NEIL1: variants seen among roughly 807,000 people sequenced by gnomAD.
NEIL1 encodes the protein endonuclease 8-like 1.
In NEIL1, 31 loss-of-function variants were observed where a neutral mutation model predicts 44.2. The ratio of observed to expected loss-of-function variants is 0.70; its 90% CI spans 0.53 to 0.95. NEIL1 has a LOEUF of 0.95. NEIL1 is among the 40% of genes least tolerant of loss of function. The probability of loss-of-function intolerance (pLI) is 0.00; values close to 1 mark genes in which losing one functional copy is unlikely to be tolerated. For synonymous variants in NEIL1, 254 were observed against 209.7 expected (o/e 1.21, Z -1.83); for missense variants, 549 against 515.5 (o/e 1.07, Z -0.63).
In NEIL1 at chr15:75,352,338, C is replaced by T. The variant is rs144060219; in HGVS notation, c.569C>T (p.Pro190Leu). Residue 190 changes from proline (P) to leucine (L), a missense_variant, in exon 4 of 10, where the codon CCC becomes CTC. Physicochemically the swap from Pro to Leu is moderately conservative, Grantham distance 98. Coordinates refer to ENST00000355059, the MANE Select transcript of NEIL1 (RefSeq NM_024608.4). ...AEILYRLKIP[P>L]FEKARSVLEA... ...CCCCACTACAGGCTGAAGATCCCCC[C>T]CTTTGAGAAGGCCCGCTCGGTCCTG... The T allele has an allele frequency of 5.0e-5, 81 of 1,614,070 alleles. No individual in the cohort carries two copies. The highest frequency in any genetic ancestry group is 1.6e-4 in the Middle Eastern group (1 of 6,082).
At position 75,348,875 on chromosome 15, in the gene NEIL1, C is replaced by T. The variant is rs1272622424; in HGVS notation, c.-22-9C>T. On this transcript the variant is annotated splice_polypyrimidine_tract_variant and intron_variant, in intron 1 of 9. Coordinates refer to ENST00000355059, the MANE Select transcript of NEIL1 (RefSeq NM_024608.4). ...ACCGGGCTCAACCCGCTGCCTTCCT[C>T]CCCAACAGGACTCTGCCACCCTCCC... 1 of 1,601,858 alleles carries T rather than the reference C, an allele frequency of 6.2e-7. No individual in the cohort carries two copies. Among genetic ancestry groups the T allele is most frequent in the South Asian group, 1.1e-5 (1 of 90,892 alleles).
Position 75,354,965 on chromosome 15 carries a change from C to G in NEIL1, c.1104C>G (p.Gly368=), listed in dbSNP as rs749794024. 7 of 1,614,072 alleles carry G rather than the reference C, an allele frequency of 4.3e-6. No homozygotes were observed. In the South Asian group the frequency reaches 7.7e-5, roughly 18 times the overall value. Residue 368 remains glycine, a splice_region_variant and synonymous_variant, in exon 10 of 10, where the codon GGC becomes GGG. Coordinates refer to ENST00000355059, the MANE Select transcript of NEIL1 (RefSeq NM_024608.4). ...GRRKGRQAAS[G]HCRPRKVKAD... The stretch of plus-strand genomic sequence containing the variant: ...CCATCTTGCCTGTTCTTCCCCCAGG[C>G]CACTGCAGACCCCGGAAGGTCAAGG...
chr15:75,353,224 T>TACAC (rs10653888), intron 5 of NEIL1: 27,437 of 162,796 alleles, frequency 0.17, 2,911 homozygotes, highest in Non-Finnish European at 0.24. Context: ...TATATATTTA[T>TACAC]ACACACACAC....
In NEIL1 at chr15:75,353,822, A is replaced by C; in HGVS notation, c.802A>C (p.Met268Leu). ...GCTGCGCTGCTATGGCATGCCAGGCATGAGCTCCCTGCAGGACCGGCATGG... is the reference window on the plus strand; with the variant it reads ...GCTGCGCTGCTATGGCATGCCAGGCCTGAGCTCCCTGCAGGACCGGCATGG... ...AWLRCYGMPGMSSLQDRHGRT... is the reference protein window; with the variant it reads ...AWLRCYGMPGLSSLQDRHGRT... The change falls in exon 6 of 10, where the codon ATG (methionine) becomes CTG (leucine). Residue 268 changes from methionine to leucine, a missense_variant. Physicochemically the swap from Met to Leu is conservative, Grantham distance 15. Transcript: ENST00000355059. 1 of 1,613,796 alleles carries C rather than the reference A, an allele frequency of 6.2e-7. No individual in the cohort carries two copies. The highest frequency in any genetic ancestry group is 1.1e-5 in the South Asian group (1 of 91,066).
Position 75,354,294 on chromosome 15 carries a change from G to A in NEIL1, c.874+17G>A. 6.2e-7 allele frequency: 1 copy of A among 1,614,060 alleles called. No individual in the cohort carries two copies. Among genetic ancestry groups the A allele is most frequent in the Non-Finnish European group, 8.5e-7 (1 of 1,179,916 alleles). ...CACCCAAAGGTAAGCTACTCCTAAT[G>A]TAATAGGCTAAGAGAGCAGAAAGGA... On this transcript the variant is annotated intron_variant, in intron 7 of 9. Transcript: ENST00000355059.
At position 75,355,204 on chromosome 15, in the gene NEIL1, T is replaced by G; in HGVS notation, c.*170T>G. 1 of 608,816 alleles carries G rather than the reference T, an allele frequency of 1.6e-6. No homozygotes were observed. Among genetic ancestry groups the G allele is most frequent in the Non-Finnish European group, 2.9e-6 (1 of 347,384 alleles). 37.7% of individuals were successfully genotyped at this position (608,816 alleles called of 1,614,324 possible). On this transcript the variant is annotated 3_prime_UTR_variant, in exon 10 of 10. Coordinates refer to ENST00000355059, the MANE Select transcript of NEIL1 (RefSeq NM_024608.4). ...ACCCCATCTTCCACATCTTTAAAGC[T>G]CATGTGAAAAATGCTGCATTTTTAA...
chr15:75,352,193 G>A lies in NEIL1; in HGVS notation c.517G>A (p.Gly173Ser), dbSNP rs777659526. Residue 173 changes from glycine to serine, a missense_variant, in exon 3 of 10, where the codon GGC becomes AGC. Gly to Ser is a moderately conservative substitution (Grantham distance 56, BLOSUM62 0). Coordinates refer to ENST00000355059, the MANE Select transcript of NEIL1 (RefSeq NM_024608.4). ...EALLDQRFFN[G>S]IGNYLRAEIL... ...CCTCCTGGACCAGAGGTTCTTCAAT[G>A]GCATTGGCAACTATCTGCGGGCAGA... 6 of 1,614,222 alleles carry A rather than the reference G, an allele frequency of 3.7e-6. No individual in the cohort carries two copies. Among genetic ancestry groups the A allele is most frequent in the East Asian group, 2.2e-5 (1 of 44,884 alleles).
At chr15:75,350,097 C>T (rs762677348) in intron 2 of NEIL1, among the ~76,000 whole-genome samples, 4 of 152,250 alleles carry the variant, frequency 2.6e-5, no homozygotes, top group Non-Finnish European at 5.9e-5. Context: ...TCCGGCCTGC[C>T]CAGTATTCTG....
chr15:75,353,764 C>T lies in NEIL1; in HGVS notation c.744C>T (p.Ser248=), dbSNP rs111431272. The T allele has an allele frequency of 1.7e-5, 28 of 1,613,938 alleles. No individual in the cohort carries two copies. The highest frequency in any genetic ancestry group is 1.6e-4 in the Middle Eastern group (1 of 6,072). ...QLGGKGYGSE[S]GEEDFAAFRA... ...GGGGCAAAGGCTACGGGTCAGAGAGCGGGGAGGAGGACTTTGCTGCCTTTC... is the reference window on the plus strand; with the variant it reads ...GGGGCAAAGGCTACGGGTCAGAGAGTGGGGAGGAGGACTTTGCTGCCTTTC... The change falls in exon 6 of 10, where the codon AGC becomes AGT. Residue 248 remains serine (S), a synonymous_variant. Transcript: ENST00000355059.
At chr15:75,353,712 A>ATCTCT in intron 5 of NEIL1, 27 bp from the exon 6 acceptor site, 1 of 1,613,734 alleles carries the variant, frequency 6.2e-7, no homozygotes, top group Non-Finnish European at 8.5e-7. Flanking sequence ...CTGCCCTCTG[A>ATCTCT]TCTCTGCCTG....
rs768560259 is a variant in NEIL1, at chr15:75,348,985, T to C, written c.80T>C (p.Val27Ala). 1 of 1,613,696 alleles carries C rather than the reference T, an allele frequency of 6.2e-7. No homozygotes were observed. Among genetic ancestry groups the C allele is most frequent in the South Asian group, 1.1e-5 (1 of 91,088 alleles). The change falls in exon 2 of 10, where the codon GTG becomes GCG. Residue 27 changes from valine (V) to alanine (A), a missense_variant. Val to Ala is a moderately conservative substitution (Grantham distance 64). Transcript: ENST00000355059. ...AGGGCGCTGGTGTTCGGCGGCTGCGTGGAGAAGTCCTCTGTCAGCCGCAAC... is the reference window on the plus strand; with the variant it reads ...AGGGCGCTGGTGTTCGGCGGCTGCGCGGAGAAGTCCTCTGTCAGCCGCAAC... ...ACRALVFGGC[V>A]EKSSVSRNPE...
At position 75,356,838 on chromosome 15, in the gene NEIL1, C is replaced by G. The variant is rs143755898; in HGVS notation, c.*1804C>G. On this transcript the variant is annotated 3_prime_UTR_variant, in exon 10 of 10. Transcript: ENST00000355059. The surrounding 1 kb of genome is among the most constrained non-coding windows in gnomAD (Gnocchi z 5.8). The stretch of plus-strand genomic sequence containing the variant: ...GCCTCGCACTGACGCGCCATACTTG[C>G]AGTCGTTGAGCAGGGCCAGCCCAAA... 1,393 of 1,614,004 alleles carry G rather than the reference C, an allele frequency of 8.6e-4. 2 individuals carry two copies. Among genetic ancestry groups the G allele is most frequent in the Non-Finnish European group, 1.1e-3 (1,284 of 1,180,052 alleles).
At chr15:75,348,148 A>G in intron 1 of NEIL1, 1 of 713,592 alleles carries the variant, frequency 1.4e-6, no homozygotes, top group Non-Finnish European at 1.8e-6. Context: ...CTGCGGAGCC[A>G]TGGGGAGCGG....
chr15:75,349,320 C>A lies in NEIL1; in HGVS notation c.415C>A (p.Gln139Lys). The A allele has an allele frequency of 1.2e-6, 2 of 1,607,730 alleles. No individual in the cohort carries two copies. Among genetic ancestry groups the A allele is most frequent in the Non-Finnish European group, 1.7e-6 (2 of 1,177,230 alleles). The stretch of plus-strand genomic sequence containing the variant: ...GCCGGGCCGCGGGCCCTGTGTCTTG[C>A]AGGAGTACCAGCAGTTCAGGTAGGG... ...WQPGRGPCVL[Q>K]EYQQFRENVL... The change falls in exon 2 of 10, where the codon CAG becomes AAG. Residue 139 changes from glutamine to lysine, a missense_variant. Gln to Lys is a moderately conservative substitution (Grantham distance 53, BLOSUM62 1). Coordinates refer to ENST00000355059, the MANE Select transcript of NEIL1 (RefSeq NM_024608.4).
intron 1 of NEIL1, chr15:75,348,252 G>A (rs1355281917): frequency 1.1e-6 from 1 of 906,574 alleles, no homozygotes; most frequent in Non-Finnish European, 1.3e-6. Flanking sequence ...GGGCAGGCCC[G>A]GTTCTCGCTG....
chr15:75,355,740 C>G lies in NEIL1; in HGVS notation c.*706C>G, dbSNP rs1305068528. ...GGGAAGCCATCCCACCCCAGACTTCCCACCCCCACCCCAAGCGTGAGGATG... is the reference window on the plus strand; with the variant it reads ...GGGAAGCCATCCCACCCCAGACTTCGCACCCCCACCCCAAGCGTGAGGATG... On this transcript the variant is annotated 3_prime_UTR_variant, in exon 10 of 10. Coordinates refer to ENST00000355059, the MANE Select transcript of NEIL1 (RefSeq NM_024608.4). 7.2e-6 allele frequency: 5 copies of G among 692,780 alleles called. No individual in the cohort carries two copies. Among genetic ancestry groups the G allele is most frequent in the Non-Finnish European group, 1.1e-5 (5 of 439,138 alleles). The allele number at this position is 692,780 out of a possible 1,614,324, so 42.9% of individuals were successfully genotyped here. A position where few individuals can be genotyped will look rare whatever the true frequency, so the allele number is the denominator to read the frequency against.
chr15:75,354,933 T>A lies in NEIL1; in HGVS notation c.1103-31T>A, dbSNP rs375851875. On this transcript the variant is annotated intron_variant, in intron 9 of 9. Transcript: ENST00000355059. ...GCTGCCATGGCAGCCCCTGGAGTCT[T>A]AGCTGACCATCTTGCCTGTTCTTCC... The A allele has an allele frequency of 2.5e-6, 4 of 1,613,492 alleles. No individual in the cohort carries two copies. The African/African-American group carries it at 5.3e-5, about 22-fold the overall frequency.
chr15:75,355,819 G>A lies in NEIL1; in HGVS notation c.*785G>A. 6.8e-7 allele frequency: 1 copy of A among 1,466,764 alleles called. No homozygotes were observed. Among genetic ancestry groups the A allele is most frequent in the Non-Finnish European group, 9.3e-7 (1 of 1,076,978 alleles). 90.9% of individuals were successfully genotyped at this position (1,466,764 alleles called of 1,614,324 possible). On this transcript the variant is annotated 3_prime_UTR_variant, in exon 10 of 10. Transcript: ENST00000355059. ...CCCGATCCAAGGATTTATTCCACAA[G>A]AAAAGACTGATCCCTGCTTTAGGCT... is the stretch of plus-strand genomic sequence containing the variant.
rs1197958858 is a variant in NEIL1 at position 75,354,647 on chromosome 15, A to G, written c.937-6A>G. 6.2e-7 allele frequency: 1 copy of G among 1,613,998 alleles called. No homozygotes were observed. The highest frequency in any genetic ancestry group is 1.1e-5 in the South Asian group (1 of 91,084). On this transcript the variant is annotated splice_region_variant and splice_polypyrimidine_tract_variant and intron_variant, in intron 8 of 9. Coordinates refer to ENST00000355059, the MANE Select transcript of NEIL1 (RefSeq NM_024608.4). Reference sequence around the variant, plus strand: ...CCCCTCAGGGACCCGTGTCTCCTCCATCCAGGACGCTTTGCCTCCAAGCAA... The same window carrying G: ...CCCCTCAGGGACCCGTGTCTCCTCCGTCCAGGACGCTTTGCCTCCAAGCAA...
Sources: allele counts gnomAD v4.1 joint callset (sites outside exome capture counted in the v4.1 genomes callset), GRCh38; gene constraint gnomAD v4.1.1; non-coding constraint Gnocchi (gnomAD v3.1); transcripts MANE v1.5; gene names NCBI Gene and HGNC (gene_info 2026-07-23, HGNC 2026-07-21).